The following USP34 variants were observed in gnomAD, a reference collection of about 807,000 sequenced individuals.
The protein encoded by USP34 is ubiquitin carboxyl-terminal hydrolase 34.
Under a neutral mutation model 460.3 loss-of-function variants are expected in USP34, and 70 were observed. The observed-to-expected ratio is 0.15, with a 90% confidence interval of 0.13 to 0.19. USP34 has a LOEUF of 0.19. Ranked by LOEUF, USP34 falls within the 10% of genes least tolerant of loss-of-function variation. The pLI is 1.00. For missense variants in USP34, 3,985 were observed against 4,236.2 expected (o/e 0.94, Z 1.65); for synonymous variants, 1,647 against 1,405.3 (o/e 1.17, Z -3.85).
At chr2:61,390,300 A>G (rs1181489080) in intron 5 of USP34, among the ~76,000 whole-genome samples, 1 of 152,218 alleles carries the variant, frequency 6.6e-6, no homozygotes, top group African/African-American at 2.4e-5. Flanking sequence ...CTGAGGGCTG[A>G]GGAAGGATAC....
intron 72 of USP34, among the ~76,000 whole-genome samples, chr2:61,205,413 C>T (rs762810553): frequency 3.3e-5 from 5 of 152,068 alleles, no homozygotes; most frequent in South Asian, 2.1e-4. Context: ...AGTAATTGCA[C>T]AGAACGTCAA....
intron 1 of USP34, among the ~76,000 whole-genome samples, chr2:61,436,526 G>A (rs773408618): frequency 3.6e-4 from 54 of 152,090 alleles, no homozygotes; most frequent in Non-Finnish European, 5.1e-4. Flanking sequence ...AAATACACAC[G>A]CAACCAACAC....
At chr2:61,292,470 G>A (rs193297994) in intron 33 of USP34, among the ~76,000 whole-genome samples, 1 of 152,096 alleles carries the variant, frequency 6.6e-6, no homozygotes. Context: ...AACAAACAGA[G>A]AAAACCTTTA....
intron 10 of USP34, among the ~76,000 whole-genome samples, chr2:61,367,401 G>A (rs1021339739): frequency 4.6e-5 from 7 of 152,200 alleles, no homozygotes; most frequent in Non-Finnish European, 8.8e-5. Flanking sequence ...GCTCACTTGA[G>A]CCCAGAAGTT....
In USP34 at chr2:61,288,746, G is replaced by C; in HGVS notation, c.4680C>G (p.Thr1560=). ...SGIAESHRKR[T]WPGKSRKAAG... Reference sequence around the variant, plus strand: ...CAGCCTTCCTTGATTTGCCAGGCCAGGTTCTTTTCCTATGGCTTTCCGCTA... The same window carrying C: ...CAGCCTTCCTTGATTTGCCAGGCCACGTTCTTTTCCTATGGCTTTCCGCTA... The change falls in exon 34 of 80, where the codon ACC becomes ACG. Residue 1560 remains threonine, a synonymous_variant. Transcript: ENST00000398571. 1 of 1,614,046 alleles carries C rather than the reference G, an allele frequency of 6.2e-7. No individual in the cohort carries two copies. The highest frequency in any genetic ancestry group is 8.5e-7 in the Non-Finnish European group (1 of 1,179,956).
chr2:61,221,023 G>A (rs1458690864), intron 66 of USP34, among the ~76,000 whole-genome samples: 3 of 152,172 alleles, frequency 2.0e-5, no homozygotes, highest in Admixed American at 2.0e-4. Context: ...CCACAGCAAA[G>A]TTGAGTAGTT....
chr2:61,457,070 G>A (rs1353749713), intron 1 of USP34, among the ~76,000 whole-genome samples: 1 of 152,104 alleles, frequency 6.6e-6, no homozygotes, highest in Non-Finnish European at 1.5e-5. Flanking sequence ...GAGCCCAGGA[G>A]TTCAAGACCA....
At chr2:61,416,103 C>G (rs1294259859) in intron 2 of USP34, among the ~76,000 whole-genome samples, 1 of 152,128 alleles carries the variant, frequency 6.6e-6, no homozygotes, top group Non-Finnish European at 1.5e-5. Flanking sequence ...AGTATTCAAC[C>G]TCACCAAAAA....
chr2:61,234,463 TG>T (rs1688004944), intron 57 of USP34, among the ~76,000 whole-genome samples: 1 of 152,100 alleles, frequency 6.6e-6, no homozygotes, highest in African/African-American at 2.4e-5. Flanking sequence ...AGGCATAAAC[TG>T]ATCTACTGAG....
In USP34 at chr2:61,425,836, G is replaced by C. The variant is rs1037585934; in HGVS notation, c.44-5003C>G. On this transcript the variant is annotated intron_variant, in intron 1 of 79. Transcript: ENST00000398571. ...AGTGCTGGCATCACCCCTTCCCCTC[G>C]ACAGGCTGCACAGCTCAGGGCTCCA... Among the ~76,000 whole-genome samples, 3 of 151,920 alleles carry C rather than the reference G, an allele frequency of 2.0e-5. No homozygotes were observed. The East Asian group carries it at 5.8e-4, about 29-fold the overall frequency.
chr2:61,287,830 CTG>C (rs1389803367), intron 34 of USP34, among the ~76,000 whole-genome samples: 1 of 152,132 alleles, frequency 6.6e-6, no homozygotes. Flanking sequence ...AGATTTTTGA[CTG>C]TATGGAGGGT....
intron 10 of USP34, among the ~76,000 whole-genome samples, chr2:61,359,173 A>T (rs1692197610): frequency 6.6e-6 from 1 of 152,198 alleles, no homozygotes; most frequent in Admixed American, 6.5e-5. Flanking sequence ...AACTTGCAAA[A>T]AGAAAAAAAA....
intron 51 of USP34, among the ~76,000 whole-genome samples, chr2:61,244,171 T>A (rs1418094822): frequency 6.6e-6 from 1 of 152,188 alleles, no homozygotes; most frequent in Non-Finnish European, 1.5e-5. Flanking sequence ...AACAACTTTA[T>A]TTGGGCTAAT....
At chr2:61,351,389 T>C (rs1176759244) in intron 10 of USP34, among the ~76,000 whole-genome samples, 2 of 152,148 alleles carry the variant, frequency 1.3e-5, no homozygotes, top group African/African-American at 2.4e-5. Context: ...TTCTTTGTTA[T>C]AATAAACACA....
At chr2:61,277,928 T>C in intron 41 of USP34, 1 of 449,310 alleles carries the variant, frequency 2.2e-6, no homozygotes, top group Non-Finnish European at 3.9e-6. Flanking sequence ...TTTTTTTGCC[T>C]GCCGCCATCC....
At chr2:61,317,347 T>TG (rs1690780737) in intron 23 of USP34, among the ~76,000 whole-genome samples, 1 of 152,020 alleles carries the variant, frequency 6.6e-6, no homozygotes, top group Non-Finnish European at 1.5e-5. Context: ...AGTAACATGG[T>TG]AAAACCCTGT....
At chr2:61,229,265 T>G (rs113116602) in intron 59 of USP34, among the ~76,000 whole-genome samples, 1 of 139,236 alleles carries the variant, frequency 7.2e-6, no homozygotes, top group Non-Finnish European at 1.6e-5. Flanking sequence ...GATTATTTTT[T>G]AAACAGAACA....
intron 15 of USP34, among the ~76,000 whole-genome samples, chr2:61,347,223 A>G (rs72813555): frequency 0.16 from 24,103 of 152,242 alleles, 2,271 homozygotes; most frequent in South Asian, 0.36. Flanking sequence ...GAAAAGTGCT[A>G]TAAGTATAAA....
At chr2:61,378,028 C>A (rs1396145226) in intron 8 of USP34, among the ~76,000 whole-genome samples, 1 of 152,156 alleles carries the variant, frequency 6.6e-6, no homozygotes. Flanking sequence ...CAAAAATTAG[C>A]CAGGCATGCT....
Sources: gnomAD v4.1 joint callset for allele counts (sites outside exome capture counted in the v4.1 genomes callset) on GRCh38, gnomAD v4.1.1 for gene constraint, MANE v1.5 for transcripts, NCBI Gene and HGNC (gene_info 2026-07-23, HGNC 2026-07-21) for gene names.